NCOR2: variants seen among roughly 807,000 people sequenced by gnomAD.
NCOR2 encodes the protein CTG repeat protein 26.
In NCOR2, 81 loss-of-function variants were observed where a neutral mutation model predicts 262.9. The observed-to-expected ratio is 0.31, with a 90% CI of 0.26 to 0.37. The LOEUF is 0.37. NCOR2 is among the 10% of genes least tolerant of loss of function. NCOR2 has a pLI of 1.00. For synonymous variants in NCOR2, 1,659 were observed against 1,559.3 expected (o/e 1.06, Z -1.51); for missense variants, 3,385 against 3,621.4 (o/e 0.93, Z 1.68).
At chr12:124,420,543 T>C (rs2043147521) in intron 12 of NCOR2, among the ~76,000 whole-genome samples, 1 of 152,176 alleles carries the variant, frequency 6.6e-6, no homozygotes, top group South Asian at 2.1e-4. Context: ...TTCCAAGCCT[T>C]GTGCATCGGG....
intron 16 of NCOR2, among the ~76,000 whole-genome samples, chr12:124,395,499 G>A (rs1221044720): frequency 2.6e-5 from 4 of 152,324 alleles, no homozygotes; most frequent in Non-Finnish European, 5.9e-5. Context: ...CCCAGGGGAC[G>A]CTCACTGCCG....
intron 21 of NCOR2, 36 bp downstream of exon 23, chr12:124,363,643 G>A (rs763718796): frequency 7.5e-7 from 1 of 1,339,500 alleles, no homozygotes; most frequent in South Asian, 2.4e-5. Flanking sequence ...TCAAGGTCAG[G>A]GTGGACTCTG....
chr12:124,391,680 C>A (rs1279468031), intron 16 of NCOR2, among the ~76,000 whole-genome samples: 1 of 152,222 alleles, frequency 6.6e-6, no homozygotes, highest in Non-Finnish European at 1.5e-5. Flanking sequence ...TCCATCTACT[C>A]TTTCAAAAAT....
chr12:124,505,540 G>A (rs951064447), intron 1 of NCOR2, among the ~76,000 whole-genome samples: 2 of 152,198 alleles, frequency 1.3e-5, no homozygotes, highest in African/African-American at 4.8e-5. Context: ...CACCTCCTGT[G>A]GACACACTGC....
chr12:124,356,820 G>C (rs769323694), intron 22 of NCOR2, 38 bp from the exon 25 acceptor site: 59 of 1,438,662 alleles, frequency 4.1e-5, no homozygotes, highest in Non-Finnish European at 5.4e-5. Context: ...AGGGCAGGAG[G>C]TGGGGCAGTC....
intron 12 of NCOR2, 80 bp from the exon 15 acceptor site, chr12:124,420,135 C>T: frequency 8.4e-7 from 1 of 1,193,470 alleles, no homozygotes; most frequent in Non-Finnish European, 1.2e-6. Context: ...ACATCCTGGG[C>T]TCATATCCTG....
intron 1 of NCOR2, among the ~76,000 whole-genome samples, chr12:124,525,529 C>A (rs561507330): frequency 6.6e-6 from 1 of 152,224 alleles, no homozygotes; most frequent in Non-Finnish European, 1.5e-5. Flanking sequence ...AGGAGGAGGC[C>A]GTGGGGACAC....
chr12:124,407,379 G>A (rs747771930), intron 13 of NCOR2, among the ~76,000 whole-genome samples: 4 of 152,234 alleles, frequency 2.6e-5, no homozygotes, highest in Non-Finnish European at 4.4e-5. Context: ...AGGCCTCTGC[G>A]GCATGGCAAT....
chr12:124,495,458 G>C, upstream of NCOR2: 2 of 1,014,966 alleles, frequency 2.0e-6, no homozygotes, highest in Non-Finnish European at 2.7e-6. This position sits in a 1 kb window ranked among gnomAD's most constrained non-coding sequence, Gnocchi z 4.4. Context: ...CTGTGGTCCC[G>C]TGAGGACACG....
intron 16 of NCOR2, chr12:124,388,879 A>T: frequency 1.9e-5 from 2 of 102,832 alleles, no homozygotes; most frequent in Non-Finnish European, 3.9e-5. Flanking sequence ...GGAGGGAGGG[A>T]GGGAGGGAGG....
rs112213953 is a variant in NCOR2, at chr12:124,417,162, G to A, written c.1482+2795C>T. On this transcript the variant is annotated intron_variant, in intron 13 of 46. Transcript: ENST00000405201. ...ACACTCACTCCACGGAGAGCAGGCC[G>A]GACACTCACTCCACGCAGAGCAGGC... Among the ~76,000 whole-genome samples the A allele has an allele frequency of 5.7e-3, 788 of 137,314 alleles. 13 individuals carry two copies. The highest frequency in any genetic ancestry group is 0.023 in the African/African-American group (750 of 32,824). 90.1% of individuals were successfully genotyped at this position (137,314 alleles called of 152,430 possible). A position where few individuals can be genotyped will look rare whatever the true frequency, so the allele number is the denominator to read the frequency against.
intron 1 of NCOR2, among the ~76,000 whole-genome samples, chr12:124,526,734 G>A (rs77946381): frequency 0.048 from 7,250 of 152,180 alleles, 205 homozygotes; most frequent in East Asian, 0.12. Context: ...AGCTCCCTGC[G>A]CTTCTCGGAG....
chr12:124,549,001 CTGT>C lies in NCOR2; in HGVS notation c.-164-13393_-164-13391del, dbSNP rs1366031236. 6.6e-6 allele frequency among the ~76,000 whole-genome samples: 1 copy of C among 152,106 alleles called. No individual in the cohort carries two copies. Among genetic ancestry groups the C allele is most frequent in the African/African-American group, 2.4e-5 (1 of 41,394 alleles). ...GGTTGGGGCACCGCACAGATTTTTG[CTGT>C]TGTTGTTAATTCTGTGTCGAGTCTA... On this transcript the variant is annotated intron_variant, in intron 1 of 32. Coordinates refer to the NCOR2 transcript ENST00000458234. The surrounding 1 kb of genome is among the most constrained non-coding windows in gnomAD (Gnocchi z 4.4).
At chr12:124,448,830 C>A (rs748448127) in intron 7 of NCOR2, among the ~76,000 whole-genome samples, 2 of 152,220 alleles carry the variant, frequency 1.3e-5, no homozygotes, top group Admixed American at 1.3e-4. Context: ...ATCCCAGGAA[C>A]GCTTGAACAA....
intron 13 of NCOR2, among the ~76,000 whole-genome samples, chr12:124,402,904 G>T (rs1198491874): frequency 1.3e-5 from 2 of 152,144 alleles, no homozygotes; most frequent in African/African-American, 2.4e-5. Flanking sequence ...CGACTCCTTC[G>T]CCTTGACAAT....
intron 20 of NCOR2, among the ~76,000 whole-genome samples, chr12:124,369,219 C>A (rs1286893182): frequency 2.6e-5 from 4 of 152,208 alleles, no homozygotes; most frequent in Admixed American, 2.6e-4. Context: ...GGAAGGCAGG[C>A]AGGCTCGGGG....
At chr12:124,486,236 G>T in intron 2 of NCOR2, 1 of 658,216 alleles carries the variant, frequency 1.5e-6, no homozygotes, top group South Asian at 2.1e-5. Context: ...TTCCACGCTG[G>T]AAGTCTGAGG....
At position 124,378,523 on chromosome 12, in the gene NCOR2, A is replaced by C. The variant is rs1593285139; in HGVS notation, c.2020-139T>G. Reference sequence around the variant, plus strand: ...CAATGAGGGTGACCGTCCCCCTCACACCCCACCTCGGCAGCCAAGCGTGCC... The same window carrying C: ...CAATGAGGGTGACCGTCCCCCTCACCCCCCACCTCGGCAGCCAAGCGTGCC... On this transcript the variant is annotated intron_variant, in intron 17 of 46. Coordinates refer to ENST00000405201, the Ensembl canonical transcript of NCOR2. This position sits in a 1 kb window ranked among gnomAD's most constrained non-coding sequence, Gnocchi z 4.2. The C allele has an allele frequency of 1.2e-6, 1 of 838,046 alleles. No homozygotes were observed. The highest frequency in any genetic ancestry group is 3.1e-5 in the Admixed American group (1 of 32,112). The allele number at this position is 838,046 out of a possible 1,614,324, so 51.9% of individuals were successfully genotyped here. A position where few individuals can be genotyped will look rare whatever the true frequency, so the allele number is the denominator to read the frequency against.
At chr12:124,330,985 G>T in intron 43 of NCOR2, 87 bp from the exon 46 acceptor site, 1 of 1,392,040 alleles carries the variant, frequency 7.2e-7, no homozygotes, top group Non-Finnish European at 9.9e-7. Context: ...GGCCAGGTGT[G>T]CTGGCATCAC....
Sources: gnomAD v4.1 joint callset for allele counts (sites outside exome capture counted in the v4.1 genomes callset) on GRCh38, gnomAD v4.1.1 for gene constraint, Gnocchi (gnomAD v3.1) non-coding constraint, MANE v1.5 for transcripts, NCBI Gene and HGNC (gene_info 2026-07-23, HGNC 2026-07-21) for gene names.